The following ZBTB41 variants were observed in gnomAD, a reference collection of about 807,000 sequenced individuals.
ZBTB41 encodes the protein zinc finger and BTB domain containing 41, also known as zinc finger and BTB domain-containing protein 41.
Under a neutral mutation model 87.6 loss-of-function variants are expected in ZBTB41, and 42 were observed. That is an observed-to-expected ratio of 0.48 (90% CI 0.37 to 0.62). ZBTB41 has a LOEUF of 0.62. ZBTB41 is among the 20% of genes least tolerant of loss of function. ZBTB41 has a pLI of 0.00. For synonymous variants in ZBTB41, 364 were observed against 364.0 expected (o/e 1.00, Z 0.00); for missense variants, 799 against 1,078.9 (o/e 0.74, Z 3.63).
At position 197,154,770 on chromosome 1, in the gene ZBTB41, G is replaced by A. The variant is rs976742053; in HGVS notation, c.*4589C>T. 1.3e-5 allele frequency: 2 copies of A among 152,390 alleles called. No homozygotes were observed. The highest frequency in any genetic ancestry group is 2.4e-5 in the African/African-American group (1 of 41,414). 9.4% of individuals were successfully genotyped at this position (152,390 alleles called of 1,614,324 possible). On this transcript the variant is annotated 3_prime_UTR_variant, in exon 11 of 11. Transcript: ENST00000367405. ...AAGAACTGTCTAGTTTCTAGAAGTC[G>A]TTTAGAAAATTATTCTCACATTATC...
chr1:197,182,230 AT>A (rs1659764035), intron 5 of ZBTB41, among the ~76,000 whole-genome samples: 5 of 152,222 alleles, frequency 3.3e-5, no homozygotes. Flanking sequence ...TTTTTATAAA[AT>A]ATGACTATCT....
chr1:197,175,189 A>G, intron 8 of ZBTB41, 74 bp from the exon 9 acceptor site: 1 of 1,256,236 alleles, frequency 8.0e-7, no homozygotes, highest in Non-Finnish European at 1.1e-6. Flanking sequence ...AAACTATCAA[A>G]CAGTAAGATC....
chr1:197,188,299 G>T lies in ZBTB41; in HGVS notation c.1539C>A (p.Phe513Leu). 6.2e-7 allele frequency: 1 copy of T among 1,612,594 alleles called. No individual in the cohort carries two copies. Among genetic ancestry groups the T allele is most frequent in the South Asian group, 1.1e-5 (1 of 90,652 alleles). Residue 513 changes from phenylalanine to leucine, a missense_variant, in exon 5 of 11, where the codon TTC (phenylalanine) becomes TTA (leucine). Around this residue, in one of 5 missense-constraint regions of ZBTB41, gnomAD observed 198 missense variants for 358.4 expected, o/e 0.55. Coordinates refer to ENST00000367405, the MANE Select transcript of ZBTB41 (RefSeq NM_194314.3). Reference sequence around the variant, plus strand: ...AAAAAGTAACTTGCTTACCCAGATGGAACTTTTCTTGATGCTTTAACCGAG... The same window carrying T: ...AAAAAGTAACTTGCTTACCCAGATGTAACTTTTCTTGATGCTTTAACCGAG... ...RFARLKHQEK[F>L]HLGPFPCDIC...
intron 5 of ZBTB41, among the ~76,000 whole-genome samples, chr1:197,183,522 T>C (rs1030164581): frequency 3.3e-5 from 5 of 152,194 alleles, no homozygotes; most frequent in South Asian, 2.1e-4. Context: ...TCAACTCTTA[T>C]TAAAAATCAT....
At chr1:197,198,891 T>A (rs1028970195) in intron 2 of ZBTB41, among the ~76,000 whole-genome samples, 3 of 152,106 alleles carry the variant, frequency 2.0e-5, no homozygotes, top group Admixed American at 6.5e-5. Flanking sequence ...ATATAAAACA[T>A]CCCCTTTCTA....
chr1:197,197,491 A>G (rs1274018516), intron 2 of ZBTB41, among the ~76,000 whole-genome samples: 1 of 144,000 alleles, frequency 6.9e-6, no homozygotes, highest in Non-Finnish European at 1.5e-5. Context: ...TGACCTACTG[A>G]TTCCCACAAT....
At position 197,199,491 on chromosome 1, in the gene ZBTB41, T is replaced by C. The variant is rs777793303; in HGVS notation, c.983A>G (p.His328Arg). Reference protein sequence around the residue: ...SDIEEQSEKDHNDAEEEPEAG... With the variant: ...SDIEEQSEKDRNDAEEEPEAG... ...CTCAGGTTCTTCTTCTGCATCATTA[T>C]GATCCTTTTCACTTTGTTCTTCAAT... Residue 328 changes from histidine to arginine, a missense_variant, in exon 2 of 11, where the codon CAT becomes CGT. His to Arg is a conservative substitution (Grantham distance 29). Coordinates refer to ENST00000367405, the MANE Select transcript of ZBTB41 (RefSeq NM_194314.3). The C allele has an allele frequency of 6.2e-6, 10 of 1,613,204 alleles. No homozygotes were observed. Among genetic ancestry groups the C allele is most frequent in the Non-Finnish European group, 7.6e-6 (9 of 1,179,792 alleles).
chr1:197,187,724 AAC>A lies in ZBTB41; in HGVS notation c.1546+566_1546+567del, dbSNP rs564079304. Among the ~76,000 whole-genome samples the A allele has an allele frequency of 1.9e-3, 295 of 152,270 alleles. 1 individual carries two copies. The highest frequency in any genetic ancestry group is 2.5e-3 in the Non-Finnish European group (169 of 68,026). ...GTGGAAGAAGGCAACCTGAAAAGGC[AAC>A]ACAGTGTATGATTCCAACCATATGA... On this transcript the variant is annotated intron_variant, in intron 5 of 10. Transcript: ENST00000367405.
At chr1:197,200,833 G>A (rs1046876085) in intron 1 of ZBTB41, among the ~76,000 whole-genome samples, 3 of 152,210 alleles carry the variant, frequency 2.0e-5, no homozygotes, top group Admixed American at 6.5e-5. Flanking sequence ...TTCACGAACA[G>A]GGTGAAAATA....
At chr1:197,165,645 G>A (rs540040151) in intron 10 of ZBTB41, among the ~76,000 whole-genome samples, 6 of 151,244 alleles carry the variant, frequency 4.0e-5, no homozygotes, top group Middle Eastern at 6.8e-3. Flanking sequence ...AAAAAAGTGA[G>A]GTATGGAAGG....
chr1:197,173,897 C>T (rs780921230), intron 9 of ZBTB41, among the ~76,000 whole-genome samples: 16 of 152,062 alleles, frequency 1.1e-4, no homozygotes, highest in Admixed American at 2.0e-4. Context: ...TCTGGGGATA[C>T]GATAATAAGT....
Position 197,199,673 on chromosome 1 carries a change from G to A in ZBTB41, c.801C>T (p.Ser267=), listed in dbSNP as rs776246912. Residue 267 remains serine, a synonymous_variant, in exon 2 of 11, where the codon AGC becomes AGT. Transcript: ENST00000367405. ...CATCACCACTTTCCTGTTCATCATC[G>A]CTGGTGTCATCAAACTTAACAGGGC... is the stretch of plus-strand genomic sequence containing the variant. ...RKCPVKFDDT[S]DDEQESGDGS... 1 of 1,613,198 alleles carries A rather than the reference G, an allele frequency of 6.2e-7. No individual in the cohort carries two copies. The highest frequency in any genetic ancestry group is 8.5e-7 in the Non-Finnish European group (1 of 1,179,904).
chr1:197,184,217 T>C (rs1659827795), intron 5 of ZBTB41, among the ~76,000 whole-genome samples: 2 of 152,208 alleles, frequency 1.3e-5, no homozygotes, highest in South Asian at 4.1e-4. Context: ...AAAAACTGTT[T>C]CTACATGATG....
chr1:197,179,357 T>C (rs1354019392), intron 6 of ZBTB41, among the ~76,000 whole-genome samples: 18 of 152,108 alleles, frequency 1.2e-4, no homozygotes, highest in Admixed American at 1.2e-3. Context: ...CACATGTTTG[T>C]GGTGATGCTG....
At chr1:197,166,638 G>A (rs1160894222) in intron 10 of ZBTB41, among the ~76,000 whole-genome samples, 1 of 151,794 alleles carries the variant, frequency 6.6e-6, no homozygotes, top group African/African-American at 2.4e-5. Flanking sequence ...AAGGTCAGGA[G>A]TTAGAGATCA....
chr1:197,194,028 C>T (rs1557987407), intron 2 of ZBTB41, among the ~76,000 whole-genome samples: 1 of 148,628 alleles, frequency 6.7e-6, no homozygotes, highest in African/African-American at 2.5e-5. Context: ...ATCTTTCTTT[C>T]TTTTTTTTTT....
At chr1:197,186,615 A>G (rs935003539) in intron 5 of ZBTB41, among the ~76,000 whole-genome samples, 31 of 152,324 alleles carry the variant, frequency 2.0e-4, no homozygotes, top group African/African-American at 6.0e-4. Flanking sequence ...TAATCCCAGC[A>G]CTTTGGGAGG....
At chr1:197,199,319 T>C (rs1021709301) in intron 2 of ZBTB41, 35 bp downstream of exon 2, 6 of 1,459,150 alleles carry the variant, frequency 4.1e-6, no homozygotes, top group Non-Finnish European at 5.4e-6. Context: ...GAAAAGTAAG[T>C]GATTAGAGAT....
chr1:197,166,936 A>G (rs1012677426), intron 10 of ZBTB41, among the ~76,000 whole-genome samples: 36 of 152,296 alleles, frequency 2.4e-4, no homozygotes, highest in African/African-American at 8.2e-4. Flanking sequence ...TCTTGCAAAC[A>G]CTAATGAGGA....
Sources: allele counts gnomAD v4.1 joint callset (sites outside exome capture counted in the v4.1 genomes callset), GRCh38; gene constraint gnomAD v4.1.1; regional missense constraint gnomAD v4.1.1; transcripts MANE v1.5; gene names NCBI Gene and HGNC (gene_info 2026-07-23, HGNC 2026-07-21).